Variants in MYH9 observed in about 807,000 individuals in gnomAD.
MYH9 encodes the protein myosin-9.
MYH9 carries 29 observed loss-of-function variants against 241.9 expected under a neutral mutation model. That is an observed-to-expected ratio of 0.12 (90% CI 0.09 to 0.16). The LOEUF is 0.16. MYH9 is among the 10% of genes least tolerant of loss of function. The pLI is 1.00. For synonymous variants in MYH9, 1,047 were observed against 1,062.6 expected, an observed-to-expected ratio of 0.99 and a Z score of 0.29; for missense variants, 1,803 against 2,595.5, an observed-to-expected ratio of 0.69 and a Z score of 6.63.
chr22:36,282,173 A>G lies in MYH9; in HGVS notation c.*495T>C. Reference sequence around the variant, plus strand: ...CATGGGAGTGGGAGGCCCAAGGGGCAGAGGTGTGTGAGGTCACCACGTGTG... The same window carrying G: ...CATGGGAGTGGGAGGCCCAAGGGGCGGAGGTGTGTGAGGTCACCACGTGTG... On this transcript the variant is annotated 3_prime_UTR_variant, in exon 41 of 41. Transcript: ENST00000216181. The G allele has an allele frequency of 6.3e-6, 2 of 318,298 alleles. No homozygotes were observed. Among genetic ancestry groups the G allele is most frequent in the South Asian group, 1.0e-4 (2 of 19,930 alleles). 19.7% of individuals were successfully genotyped at this position (318,298 alleles called of 1,614,324 possible).
chr22:36,363,705 T>C (rs1172003899), intron 1 of MYH9, among the ~76,000 whole-genome samples: 1 of 152,020 alleles, frequency 6.6e-6, no homozygotes, highest in East Asian at 1.9e-4. Flanking sequence ...GAAAAGCAAA[T>C]TGTTTCAGGT....
At position 36,285,294 on chromosome 22, in the gene MYH9, G is replaced by A. The variant is rs974815014; in HGVS notation, c.5310C>T (p.Arg1770=). 1.2e-6 allele frequency: 2 copies of A among 1,613,048 alleles called. No individual in the cohort carries two copies. Among genetic ancestry groups the A allele is most frequent in the Non-Finnish European group, 8.5e-7 (1 of 1,180,034 alleles). ...CATTCTCGTTCTTCTGGGCGTGGCT[G>A]CGCTCCAGGTTCAGGTCGGTGTTGA... ...DQINTDLNLE[R]SHAQKNENAR... Residue 1770 remains arginine, a synonymous_variant, in exon 38 of 41, where the codon CGC becomes CGT. Coordinates refer to ENST00000216181, the MANE Select transcript of MYH9 (RefSeq NM_002473.6). The surrounding 1 kb of genome is among the most constrained non-coding windows in gnomAD (Gnocchi z 7.0).
chr22:36,357,454 A>AT (rs1350332754), intron 1 of MYH9, among the ~76,000 whole-genome samples: 2 of 152,122 alleles, frequency 1.3e-5, no homozygotes, highest in Non-Finnish European at 2.9e-5. Context: ...CACGTGGGGT[A>AT]TTTAGCAGCA....
rs1334676777 is a variant in MYH9, at chr22:36,329,070, A to G, written c.491-1582T>C. The stretch of plus-strand genomic sequence containing the variant: ...GCCCAGACAGAAAGAAGAAAAAACA[A>G]ACCTCACACCCAACACCAATGGCAG... On this transcript the variant is annotated intron_variant, in intron 3 of 40. Transcript: ENST00000216181. This position sits in a 1 kb window ranked among gnomAD's most constrained non-coding sequence, Gnocchi z 4.1. 2 of 152,320 alleles carry G rather than the reference A, an allele frequency of 1.3e-5. No homozygotes were observed. Among genetic ancestry groups the G allele is most frequent in the Non-Finnish European group, 2.9e-5 (2 of 68,156 alleles). 9.4% of individuals were successfully genotyped at this position (152,320 alleles called of 1,614,324 possible).
chr22:36,287,231 T>C (rs978915116), intron 34 of MYH9, among the ~76,000 whole-genome samples: 2 of 152,236 alleles, frequency 1.3e-5, no homozygotes, highest in Non-Finnish European at 2.9e-5. Context: ...GTTATTCTCC[T>C]GTTACTTCTT....
At chr22:36,361,768 T>C (rs1170627756) in intron 1 of MYH9, among the ~76,000 whole-genome samples, 1 of 152,148 alleles carries the variant, frequency 6.6e-6, no homozygotes, top group Non-Finnish European at 1.5e-5. Flanking sequence ...GACATCAGAT[T>C]TGTATTTTAA....
At chr22:36,354,569 G>A (rs1249773993) in intron 1 of MYH9, among the ~76,000 whole-genome samples, 3 of 151,334 alleles carry the variant, frequency 2.0e-5, no homozygotes, top group South Asian at 2.1e-4. Context: ...GCAGCCTCCC[G>A]AGTAGCTGGG....
At chr22:36,324,592 G>A (rs886186680) in intron 5 of MYH9, among the ~76,000 whole-genome samples, 6 of 152,278 alleles carry the variant, frequency 3.9e-5, no homozygotes, top group African/African-American at 1.4e-4. Flanking sequence ...CTGGTGTTGG[G>A]AGGGTCAACT....
At position 36,321,822 on chromosome 22, in the gene MYH9, CTAAG is replaced by C. The variant is rs760029265; in HGVS notation, c.706-5_706-2del. The C allele has an allele frequency of 2.0e-5, 32 of 1,613,794 alleles. No homozygotes were observed. Among genetic ancestry groups the C allele is most frequent in the South Asian group, 1.5e-4 (14 of 91,078 alleles). On this transcript the variant is annotated splice_acceptor_variant and splice_polypyrimidine_tract_variant and intron_variant, in intron 6 of 40. Transcript: ENST00000216181. LOFTEE classifies it high-confidence loss of function. ...CAAAGTTGATGCGAATGAATTTGCC[CTAAG>C]TAAGAAAGGATAGCAAGAGATCAGA... is the stretch of plus-strand genomic sequence containing the variant.
At chr22:36,380,749 GAAAA>G (rs2018245178) in intron 1 of MYH9, among the ~76,000 whole-genome samples, 1 of 105,346 alleles carries the variant, frequency 9.5e-6, no homozygotes, top group Non-Finnish European at 1.9e-5. Context: ...TCCAAAAAAA[GAAAA>G]GAAAAGAAAA....
rs1282922939 is a variant in MYH9 at position 36,304,097 on chromosome 22, A to C, written c.2288T>G (p.Phe763Cys). The C allele has an allele frequency of 2.4e-5, 39 of 1,613,678 alleles. No individual in the cohort carries two copies. The highest frequency in any genetic ancestry group is 3.3e-5 in the Non-Finnish European group (39 of 1,180,038). Residue 763 changes from phenylalanine (F) to cysteine (C), a missense_variant, in exon 19 of 41, where the codon TTC becomes TGC. Physicochemically the swap from Phe to Cys is radical, Grantham distance 205. Around this residue, in one of 11 missense-constraint regions of MYH9, gnomAD observed 72 missense variants for 83.3 expected, o/e 0.86. Transcript: ENST00000216181. ...CAGGTGGGCCAGCACACCGGCACGG[A>C]AGAAGACTTTGCTCTGGCCAATGCG... is the stretch of plus-strand genomic sequence containing the variant. Reference protein sequence around the residue: ...LYRIGQSKVFFRAGVLAHLEE... With the variant: ...LYRIGQSKVFCRAGVLAHLEE...
Position 36,288,873 on chromosome 22 carries a change from C to G in MYH9, c.4624G>C (p.Glu1542Gln), listed in dbSNP as rs1365242818. 3.7e-6 allele frequency: 6 copies of G among 1,614,130 alleles called. No individual in the cohort carries two copies. In the South Asian group the frequency reaches 6.6e-5, roughly 18 times the overall value. Residue 1542 changes from glutamate to glutamine, a missense_variant, in exon 33 of 41, where the codon GAA becomes CAA. By Grantham distance (29) the Glu-to-Gln change is conservative. This residue lies in a region of MYH9 where 876 missense variants were observed against 1,077.8 expected (regional missense o/e 0.81). Transcript: ENST00000216181. This position sits in a 1 kb window ranked among gnomAD's most constrained non-coding sequence, Gnocchi z 4.8. ...QQVEEMKTQL[E>Q]ELEDELQATE... ...GCCTGCAGCTCGTCCTCCAGCTCTT[C>G]CAGCTGCGTCTTCATCTCCTCCACC...
intron 1 of MYH9, among the ~76,000 whole-genome samples, chr22:36,366,757 G>A (rs148883277): frequency 1.3e-5 from 2 of 152,218 alleles, no homozygotes; most frequent in Non-Finnish European, 2.9e-5. Context: ...AGAAGTGACG[G>A]TGTTCTAAAG....
chr22:36,379,700 A>G (rs1369416748), intron 1 of MYH9, among the ~76,000 whole-genome samples: 3 of 152,124 alleles, frequency 2.0e-5, no homozygotes, highest in Admixed American at 2.0e-4. Context: ...CCTTAGCCCA[A>G]CCTGCACGGC....
At chr22:36,327,801 A>G (rs2017359955) in intron 3 of MYH9, among the ~76,000 whole-genome samples, 1 of 152,182 alleles carries the variant, frequency 6.6e-6, no homozygotes, top group East Asian at 1.9e-4. Context: ...CCAGGAGTCG[A>G]CTTCCCTGGG....
At chr22:36,307,275 T>C (rs910118660) in intron 15 of MYH9, among the ~76,000 whole-genome samples, 3 of 152,190 alleles carry the variant, frequency 2.0e-5, no homozygotes, top group Non-Finnish European at 2.9e-5. Flanking sequence ...GTCTTTCTCA[T>C]GTAAACCGAC....
intron 19 of MYH9, among the ~76,000 whole-genome samples, chr22:36,303,722 T>C (rs1390759827): frequency 6.8e-6 from 1 of 146,512 alleles, no homozygotes; most frequent in Non-Finnish European, 1.5e-5. Context: ...GAGGTGGAGG[T>C]TGCAGTGAGC....
Position 36,305,480 on chromosome 22 carries a change from A to C in MYH9, c.2160-378T>G, listed in dbSNP as rs1445514823. ...GCTAATAAACAGAGATGGCCCAAGAAATAAAGGGCTGCGTCCCGACAGCAA... is the reference window on the plus strand; with the variant it reads ...GCTAATAAACAGAGATGGCCCAAGACATAAAGGGCTGCGTCCCGACAGCAA... On this transcript the variant is annotated intron_variant, in intron 17 of 40. Coordinates refer to ENST00000216181, the MANE Select transcript of MYH9 (RefSeq NM_002473.6). This position sits in a 1 kb window ranked among gnomAD's most constrained non-coding sequence, Gnocchi z 4.7. Among the ~76,000 whole-genome samples, 1 of 152,160 alleles carries C rather than the reference A, an allele frequency of 6.6e-6. No homozygotes were observed. Among genetic ancestry groups the C allele is most frequent in the African/African-American group, 2.4e-5 (1 of 41,430 alleles).
At chr22:36,322,860 A>G (rs538951989) in intron 5 of MYH9, among the ~76,000 whole-genome samples, 2 of 151,818 alleles carry the variant, frequency 1.3e-5, no homozygotes, top group Admixed American at 1.3e-4. Context: ...CGGCACAGAC[A>G]CCCTGGGACA....
Sources: allele counts gnomAD v4.1 joint callset (sites outside exome capture counted in the v4.1 genomes callset), GRCh38; gene constraint gnomAD v4.1.1; regional missense constraint gnomAD v4.1.1; non-coding constraint Gnocchi (gnomAD v3.1); transcripts MANE v1.5; gene names NCBI Gene and HGNC (gene_info 2026-07-23, HGNC 2026-07-21).